The following RNF39 variants were observed in gnomAD, a reference collection of about 807,000 sequenced individuals.
RNF39 encodes ring finger protein 39.
Under a neutral mutation model 29.2 loss-of-function variants are expected in RNF39, and 25 were observed. The observed-to-expected ratio is 0.86, with a 90% confidence interval of 0.62 to 1.20. The LOEUF (loss-of-function observed/expected upper bound fraction) is 1.20, where lower values mean the gene tolerates loss of function less well. Among genes scored for constraint, RNF39 ranks in the 50% most tolerant of loss-of-function variants. The pLI is 0.00. For synonymous variants in RNF39, 219 were observed against 229.0 expected, an observed-to-expected ratio of 0.96 and a Z score of 0.40; for missense variants, 519 against 515.0, an observed-to-expected ratio of 1.01 and a Z score of -0.08.
chr6:30,072,479 A>C lies in RNF39; in HGVS notation c.478+678T>G, dbSNP rs1766067568. ...GGAGTGAGTGAGGAAAGAAGGGTCA[A>C]GGAGATGCTGGGGTCCCCTTCCAGG... On this transcript the variant is annotated intron_variant, in intron 3 of 3. Transcript: ENST00000244360. The surrounding 1 kb of genome is among the most constrained non-coding windows in gnomAD (Gnocchi z 4.5). Among the ~76,000 whole-genome samples, 1 of 152,130 alleles carries C rather than the reference A, an allele frequency of 6.6e-6. No homozygotes were observed. Among genetic ancestry groups the C allele is most frequent in the African/African-American group, 2.4e-5 (1 of 41,430 alleles).
intron 2 of RNF39, 91 bp downstream of exon 2, chr6:30,073,365 C>A (rs986896663): frequency 6.3e-7 from 1 of 1,577,862 alleles, no homozygotes; most frequent in African/African-American, 1.3e-5. Context: ...GAAAACCTGC[C>A]TATTAATGGG....
At position 30,070,568 on chromosome 6, in the gene RNF39, C is replaced by T. The variant is rs1765853748; in HGVS notation, c.*543G>A. 1 of 291,728 alleles carries T rather than the reference C, an allele frequency of 3.4e-6. No homozygotes were observed. Among genetic ancestry groups the T allele is most frequent in the Non-Finnish European group, 6.7e-6 (1 of 148,604 alleles). 18.1% of individuals were successfully genotyped at this position (291,728 alleles called of 1,614,324 possible). ...GTTGGGGAACTAGCTTGTCCCTCCCCACCCCCAGATCCTGCAAAAGAGGTA... is the reference window on the plus strand; with the variant it reads ...GTTGGGGAACTAGCTTGTCCCTCCCTACCCCCAGATCCTGCAAAAGAGGTA... On this transcript the variant is annotated 3_prime_UTR_variant, in exon 4 of 4. Transcript: ENST00000244360.
In RNF39 at chr6:30,071,550, C is replaced by T. The variant is rs1448191573; in HGVS notation, c.620G>A (p.Gly207Asp). The change falls in exon 4 of 4, where the codon GGT (glycine) becomes GAT (aspartate). Residue 207 changes from glycine (G) to aspartate (D), a missense_variant. Coordinates refer to ENST00000244360, the MANE Select transcript of RNF39 (RefSeq NM_025236.4). The surrounding 1 kb of genome is among the most constrained non-coding windows in gnomAD (Gnocchi z 5.0). ...GCGGCCGGCCCCGAAGCCCTGCGCA[C>T]CCAGCACAGCTGGGAGCTGATCGAA... ...KRFDQLPAVLGAQGFGAGRHC... is the reference protein window; with the variant it reads ...KRFDQLPAVLDAQGFGAGRHC... 2 of 1,514,332 alleles carry T rather than the reference C, an allele frequency of 1.3e-6. No homozygotes were observed. The highest frequency in any genetic ancestry group is 1.8e-6 in the Non-Finnish European group (2 of 1,136,574). The allele number at this position is 1,514,332 out of a possible 1,614,324, so 93.8% of individuals were successfully genotyped here.
intron 1 of RNF39, 47 bp downstream of exon 1, chr6:30,075,176 A>G: frequency 6.6e-7 from 1 of 1,509,160 alleles, no homozygotes; most frequent in Non-Finnish European, 8.8e-7. Context: ...CTTCCCCGGG[A>G]ACCTCCCGCT....
Position 30,075,394 on chromosome 6 carries a change from G to A in RNF39, c.192C>T (p.Pro64=), listed in dbSNP as rs9261304. ...TGTEASPTAC[P]CCGLPCPRRS... ...GGCGGGGACACGGCAGGCCGCAGCA[G>A]GGACAGGCGGTGGGGGAAGCCTCGG... Residue 64 remains proline, a synonymous_variant, in exon 1 of 4, where the codon CCC becomes CCT. Transcript: ENST00000244360. The A allele has an allele frequency of 2.6e-5, 41 of 1,565,534 alleles. No individual in the cohort carries two copies. Among genetic ancestry groups the A allele is most frequent in the Middle Eastern group, 1.7e-4 (1 of 5,822 alleles).
rs771984650 is a variant in RNF39, at chr6:30,071,421, T to A, written c.749A>T (p.Glu250Val). The change falls in exon 4 of 4, where the codon GAA (glutamate) becomes GTA (valine). Residue 250 changes from glutamate (E) to valine (V), a missense_variant. Glu to Val is a moderately radical substitution (Grantham distance 121). Transcript: ENST00000244360. The surrounding 1 kb of genome is among the most constrained non-coding windows in gnomAD (Gnocchi z 5.0). Reference sequence around the variant, plus strand: ...TACGCAGCCCTTGCGTTGCACTGATTCCCCGGCCGCGCCCACTGCATAGTG... The same window carrying A: ...TACGCAGCCCTTGCGTTGCACTGATACCCCGGCCGCGCCCACTGCATAGTG... The part of the protein sequence containing the change: ...ESHYAVGAAG[E>V]SVQRKGCVRL... 1.3e-6 allele frequency: 2 copies of A among 1,500,532 alleles called. No homozygotes were observed. 93.0% of individuals were successfully genotyped at this position (1,500,532 alleles called of 1,614,324 possible). A position where few individuals can be genotyped will look rare whatever the true frequency, so the allele number is the denominator to read the frequency against.
intron 1 of RNF39, 57 bp downstream of exon 1, chr6:30,075,166 C>T: frequency 1.3e-6 from 2 of 1,484,178 alleles, no homozygotes; most frequent in Non-Finnish European, 9.0e-7. Context: ...CCATTCCCGG[C>T]TTCCCCGGGA....
intron 1 of RNF39, among the ~76,000 whole-genome samples, chr6:30,073,851 C>G (rs921608270): frequency 6.6e-6 from 1 of 152,148 alleles, no homozygotes; most frequent in South Asian, 2.1e-4. Context: ...CTGTCTCTTT[C>G]AGCGGCCCCA....
chr6:30,071,444 G>T lies in RNF39; in HGVS notation c.726C>A (p.His242Gln). Residue 242 changes from histidine to glutamine, a missense_variant, in exon 4 of 4, where the codon CAC becomes CAA. By Grantham distance (24) the His-to-Gln change is conservative. Coordinates refer to ENST00000244360, the MANE Select transcript of RNF39 (RefSeq NM_025236.4). This position sits in a 1 kb window ranked among gnomAD's most constrained non-coding sequence, Gnocchi z 5.0. ...ATTCCCCGGCCGCGCCCACTGCATA[G>T]TGGCTCTCCTCGTCGTCCGCATCCT... is the stretch of plus-strand genomic sequence containing the variant. ...SGEDADDEES[H>Q]YAVGAAGESV... 1 of 1,548,830 alleles carries T rather than the reference G, an allele frequency of 6.5e-7. No homozygotes were observed. The highest frequency in any genetic ancestry group is 1.2e-5 in the South Asian group (1 of 82,516).
At chr6:30,073,359 A>G (rs1428115804) in intron 2 of RNF39, 97 bp downstream of exon 2, 1 of 1,565,248 alleles carries the variant, frequency 6.4e-7, no homozygotes, top group Admixed American at 1.7e-5. Flanking sequence ...ACCCCAGAAA[A>G]CCTGCCTATT....
chr6:30,071,237 G>A lies in RNF39; in HGVS notation c.933C>T (p.Tyr311=). The A allele has an allele frequency of 6.6e-7, 1 of 1,511,960 alleles. No homozygotes were observed. The highest frequency in any genetic ancestry group is 8.8e-7 in the Non-Finnish European group (1 of 1,133,304). The allele number at this position is 1,511,960 out of a possible 1,614,324, so 93.7% of individuals were successfully genotyped here. A position where few individuals can be genotyped will look rare whatever the true frequency, so the allele number is the denominator to read the frequency against. The change falls in exon 4 of 4, where the codon TAC becomes TAT. Residue 311 remains tyrosine, a synonymous_variant. Coordinates refer to ENST00000244360, the MANE Select transcript of RNF39 (RefSeq NM_025236.4). The surrounding 1 kb of genome is among the most constrained non-coding windows in gnomAD (Gnocchi z 5.0). Reference sequence around the variant, plus strand: ...AAAGCAGGTCGAGTGAGCGGCCGTCGTAGAAGGCCACGCGGCCCCGCTCCC... The same window carrying A: ...AAAGCAGGTCGAGTGAGCGGCCGTCATAGAAGGCCACGCGGCCCCGCTCCC... ...LDWERGRVAF[Y]DGRSLDLLYA...
At position 30,071,340 on chromosome 6, in the gene RNF39, C is replaced by A; in HGVS notation, c.830G>T (p.Trp277Leu). The change falls in exon 4 of 4, where the codon TGG (tryptophan) becomes TTG (leucine). Residue 277 changes from tryptophan (W) to leucine (L), a missense_variant. Trp to Leu is a moderately conservative substitution (Grantham distance 61). Coordinates refer to ENST00000244360, the MANE Select transcript of RNF39 (RefSeq NM_025236.4). This position sits in a 1 kb window ranked among gnomAD's most constrained non-coding sequence, Gnocchi z 5.0. ...WAVEGRGGRLWALTAPEPTLL... is the reference protein window; with the variant it reads ...WAVEGRGGRLLALTAPEPTLL... The stretch of plus-strand genomic sequence containing the variant: ...GGTGGGTTCGGGTGCCGTGAGGGCC[C>A]ACAGGCGGCCGCCGCGGCCCTCCAC... The A allele has an allele frequency of 6.8e-7, 1 of 1,462,968 alleles. No individual in the cohort carries two copies. The highest frequency in any genetic ancestry group is 9.0e-7 in the Non-Finnish European group (1 of 1,114,618). 90.6% of individuals were successfully genotyped at this position (1,462,968 alleles called of 1,614,324 possible).
chr6:30,071,405 C>T lies in RNF39; in HGVS notation c.765G>A (p.Lys255=), dbSNP rs761646951. ...VGAAGESVQR[K]GCVRLCPAGA... is the part of the protein sequence containing the mutation. ...CCGCAGGGCACAGCCTTACGCAGCC[C>T]TTGCGTTGCACTGATTCCCCGGCCG... is the stretch of plus-strand genomic sequence containing the variant. Residue 255 remains lysine (K), a synonymous_variant, in exon 4 of 4, where the codon AAG becomes AAA. Transcript: ENST00000244360. This position sits in a 1 kb window ranked among gnomAD's most constrained non-coding sequence, Gnocchi z 5.0. The T allele has an allele frequency of 1.3e-6, 2 of 1,488,910 alleles. No homozygotes were observed. The highest frequency in any genetic ancestry group is 1.4e-5 in the African/African-American group (1 of 69,102). The allele number at this position is 1,488,910 out of a possible 1,614,324, so 92.2% of individuals were successfully genotyped here. A position where few individuals can be genotyped will look rare whatever the true frequency, so the allele number is the denominator to read the frequency against.
At position 30,074,225 on chromosome 6, in the gene RNF39, C is replaced by CG. The variant is rs1228320609; in HGVS notation, c.364-748dup. Among the ~76,000 whole-genome samples the CG allele has an allele frequency of 6.6e-6, 1 of 152,096 alleles. No individual in the cohort carries two copies. The highest frequency in any genetic ancestry group is 1.5e-5 in the Non-Finnish European group (1 of 68,028). On this transcript the variant is annotated intron_variant, in intron 1 of 3. Transcript: ENST00000244360. This position sits in a 1 kb window ranked among gnomAD's most constrained non-coding sequence, Gnocchi z 4.1. Reference sequence around the variant, plus strand: ...GCTGGAGCAGGCCGATATGGTGGAGCGGGGGAGAGAGAAACAATTTGCATA... The same window carrying CG: ...GCTGGAGCAGGCCGATATGGTGGAGCGGGGGGAGAGAGAAACAATTTGCATA...
At position 30,073,269 on chromosome 6, in the gene RNF39, G is replaced by T. The variant is rs779669550; in HGVS notation, c.387-21C>A. 3.2e-6 allele frequency: 5 copies of T among 1,569,132 alleles called. No homozygotes were observed. The South Asian group carries it at 3.3e-5, about 10-fold the overall frequency. ...CAAATCTACACAGATGAGGGGAAGG[G>T]TCAGGAAATCAGCCCTCTGATCCTA... On this transcript the variant is annotated intron_variant, in intron 2 of 3. Coordinates refer to ENST00000244360, the MANE Select transcript of RNF39 (RefSeq NM_025236.4).
Position 30,072,859 on chromosome 6 carries a change from A to G in RNF39, c.478+298T>C, listed in dbSNP as rs896216440. Among the ~76,000 whole-genome samples, 5 of 152,346 alleles carry G rather than the reference A, an allele frequency of 3.3e-5. No homozygotes were observed. The highest frequency in any genetic ancestry group is 7.4e-5 in the Non-Finnish European group (5 of 68,020). On this transcript the variant is annotated intron_variant, in intron 3 of 3. Transcript: ENST00000244360. The surrounding 1 kb of genome is among the most constrained non-coding windows in gnomAD (Gnocchi z 4.5). Reference sequence around the variant, plus strand: ...CATACAAAAGAAAATGTGCAGACCTATCACCCAAAGAACATGTGAGGCTAC... The same window carrying G: ...CATACAAAAGAAAATGTGCAGACCTGTCACCCAAAGAACATGTGAGGCTAC...
rs1188385447 is a variant in RNF39, at chr6:30,075,431, G to A, written c.155C>T (p.Pro52Leu). Residue 52 changes from proline (P) to leucine (L), a missense_variant, in exon 1 of 4, where the codon CCG (proline) becomes CTG (leucine). Coordinates refer to ENST00000244360, the MANE Select transcript of RNF39 (RefSeq NM_025236.4). ...ACLARRWGTP[P>L]ATGTEASPTA... The stretch of plus-strand genomic sequence containing the variant: ...GGGGGAAGCCTCGGTGCCGGTCGCC[G>A]GCGGAGTCCCCCAGCGGCGGGCCAG... The A allele has an allele frequency of 6.4e-7, 1 of 1,554,188 alleles. No homozygotes were observed. Among genetic ancestry groups the A allele is most frequent in the East Asian group, 2.4e-5 (1 of 41,730 alleles).
rs1446971173 is a variant in RNF39 at position 30,074,565 on chromosome 6, A to G, written c.363+658T>C. The stretch of plus-strand genomic sequence containing the variant: ...AGGAGCCGAAATAACAATAACAAAC[A>G]ACACAGGGCTTAGCTTGAGCCAGAG... On this transcript the variant is annotated intron_variant, in intron 1 of 3. Transcript: ENST00000244360. This position sits in a 1 kb window ranked among gnomAD's most constrained non-coding sequence, Gnocchi z 4.1. 6.6e-6 allele frequency among the ~76,000 whole-genome samples: 1 copy of G among 151,822 alleles called. No homozygotes were observed. The highest frequency in any genetic ancestry group is 2.4e-5 in the African/African-American group (1 of 41,296).
At chr6:30,073,411 A>ATGGC (rs1561984377) in intron 2 of RNF39, 45 bp downstream of exon 2, 1 of 1,612,820 alleles carries the variant, frequency 6.2e-7, no homozygotes. Context: ...CGTGATGGCT[A>ATGGC]TGGCAGCTGG....
Sources: gnomAD v4.1 joint callset for allele counts (sites outside exome capture counted in the v4.1 genomes callset) on GRCh38, gnomAD v4.1.1 for gene constraint, Gnocchi (gnomAD v3.1) non-coding constraint, MANE v1.5 for transcripts, NCBI Gene and HGNC (gene_info 2026-07-23, HGNC 2026-07-21) for gene names.